The following TMOD2 variants were observed in gnomAD, a reference collection of about 807,000 sequenced individuals.
The protein encoded by TMOD2 is tropomodulin 2.
TMOD2 carries 22 observed loss-of-function variants against 39.9 expected under a neutral mutation model. The observed-to-expected ratio is 0.55, with a 90% CI of 0.39 to 0.79. TMOD2 has a LOEUF of 0.79. Among genes scored for constraint, TMOD2 ranks in the 30% least tolerant of loss-of-function variants. The probability of loss-of-function intolerance (pLI) is 0.00; values close to 1 mark genes in which losing one functional copy is unlikely to be tolerated. For missense variants in TMOD2, 386 were observed against 413.3 expected (o/e 0.93, Z 0.57); for synonymous variants, 123 against 146.1 (o/e 0.84, Z 1.14).
intron 1 of TMOD2, among the ~76,000 whole-genome samples, chr15:51,758,079 C>T (rs1567234075): frequency 6.7e-6 from 1 of 149,672 alleles, no homozygotes; most frequent in African/African-American, 2.5e-5. Flanking sequence ...GACCCTATTT[C>T]TAATAATAAT....
At chr15:51,762,201 A>G (rs921109754) in intron 1 of TMOD2, among the ~76,000 whole-genome samples, 2 of 152,020 alleles carry the variant, frequency 1.3e-5, no homozygotes, top group Non-Finnish European at 1.5e-5. Flanking sequence ...TCATACCTGT[A>G]ATTCCAGCAC....
intron 7 of TMOD2, among the ~76,000 whole-genome samples, chr15:51,797,958 C>CT (rs2056062976): frequency 6.7e-6 from 1 of 148,400 alleles, no homozygotes; most frequent in Non-Finnish European, 1.5e-5. Flanking sequence ...ATGTCAGTAT[C>CT]TTTTTTAAAA....
intron 5 of TMOD2, among the ~76,000 whole-genome samples, chr15:51,780,492 A>T (rs1436430334): frequency 6.6e-6 from 1 of 152,184 alleles, no homozygotes; most frequent in African/African-American, 2.4e-5. Flanking sequence ...CTCTGTGTAT[A>T]TTGGGATATT....
intron 7 of TMOD2, among the ~76,000 whole-genome samples, chr15:51,795,709 C>T (rs80341775): frequency 0.031 from 4,722 of 150,688 alleles, 129 homozygotes; most frequent in Non-Finnish European, 0.05. Flanking sequence ...AAGGTTTTCT[C>T]ATAATTTCTA....
At chr15:51,751,994 G>T (rs2055707724) in intron 1 of TMOD2, among the ~76,000 whole-genome samples, 1 of 151,516 alleles carries the variant, frequency 6.6e-6, no homozygotes, top group Admixed American at 6.6e-5. Flanking sequence ...TCTGCAGCCC[G>T]CTGGGCCGCA....
intron 1 of TMOD2, among the ~76,000 whole-genome samples, chr15:51,758,866 G>A (rs148588511): frequency 7.9e-5 from 12 of 152,272 alleles, no homozygotes; most frequent in African/African-American, 2.6e-4. Context: ...AACAACATAA[G>A]GCATGATCCA....
chr15:51,752,893 T>A (rs1173297681), intron 1 of TMOD2: 2 of 152,250 alleles, frequency 1.3e-5, no homozygotes, highest in East Asian at 3.8e-4. Flanking sequence ...ATCATTTTAA[T>A]TTTTGTAAGG....
chr15:51,756,052 G>T (rs2055739518), intron 1 of TMOD2, among the ~76,000 whole-genome samples: 1 of 152,098 alleles, frequency 6.6e-6, no homozygotes. Context: ...ATAAATAGAG[G>T]TCAAGCAAGA....
intron 6 of TMOD2, 74 bp downstream of exon 6, chr15:51,781,248 C>A: frequency 7.4e-7 from 1 of 1,357,796 alleles, no homozygotes; most frequent in South Asian, 1.4e-5. Context: ...TGACCTATTG[C>A]TTGTTTTCAC....
rs746835883 is a variant in TMOD2 at position 51,808,932 on chromosome 15, A to G, written c.*478A>G. The G allele has an allele frequency of 6.5e-6, 1 of 152,992 alleles. No individual in the cohort carries two copies. Among genetic ancestry groups the G allele is most frequent in the Non-Finnish European group, 1.5e-5 (1 of 68,286 alleles). The allele number at this position is 152,992 out of a possible 1,614,324, so 9.5% of individuals were successfully genotyped here. ...GTTAGTATTGCCAATCTTTCACTGC[A>G]TGTGAAAATGTGACCAATTTAGCAC... On this transcript the variant is annotated 3_prime_UTR_variant, in exon 10 of 10. Coordinates refer to ENST00000249700, the MANE Select transcript of TMOD2 (RefSeq NM_014548.4).
intron 7 of TMOD2, chr15:51,783,504 T>G (rs1344111222): frequency 6.6e-6 from 1 of 151,654 alleles, no homozygotes; most frequent in Non-Finnish European, 1.5e-5. Context: ...AAAATTAAAG[T>G]ATATTTTAAT....
intron 7 of TMOD2, among the ~76,000 whole-genome samples, chr15:51,792,328 G>A (rs10444798): frequency 0.48 from 72,901 of 151,924 alleles, 17,758 homozygotes; most frequent in Admixed American, 0.54. Context: ...ATCTCATGCC[G>A]GTTAGAATGG....
At chr15:51,773,156 A>G (rs528516424) in intron 3 of TMOD2, among the ~76,000 whole-genome samples, 1 of 152,308 alleles carries the variant, frequency 6.6e-6, no homozygotes, top group Admixed American at 6.5e-5. Context: ...GTACACACCC[A>G]GCAGCATGAC....
chr15:51,799,389 G>A (rs1218190698), intron 8 of TMOD2, among the ~76,000 whole-genome samples: 7 of 152,128 alleles, frequency 4.6e-5, no homozygotes, highest in Admixed American at 3.3e-4. Flanking sequence ...CAGGACTGTT[G>A]CCTAACCCTG....
chr15:51,758,696 T>C (rs1449499335), intron 1 of TMOD2, among the ~76,000 whole-genome samples: 2 of 151,986 alleles, frequency 1.3e-5, no homozygotes, highest in African/African-American at 4.8e-5. Context: ...CAAGAACAGA[T>C]GTGATTAAAG....
At chr15:51,752,885 C>T (rs1169397190) in intron 1 of TMOD2, 2 of 152,152 alleles carry the variant, frequency 1.3e-5, no homozygotes, top group Non-Finnish European at 2.9e-5. Flanking sequence ...GCATTGCAAT[C>T]ATTTTAATTT....
intron 7 of TMOD2, among the ~76,000 whole-genome samples, chr15:51,786,613 C>T (rs961776786): frequency 3.3e-5 from 5 of 152,170 alleles, no homozygotes; most frequent in African/African-American, 1.2e-4. Flanking sequence ...TAAGATTACA[C>T]CGCATGTGGC....
rs2055703116 is a variant in TMOD2 at position 51,751,612 on chromosome 15, C to G, written c.-170C>G. 4.5e-6 allele frequency: 1 copy of G among 222,014 alleles called. No homozygotes were observed. The highest frequency in any genetic ancestry group is 8.7e-6 in the Non-Finnish European group (1 of 114,484). The allele number at this position is 222,014 out of a possible 1,614,324, so 13.8% of individuals were successfully genotyped here. ...GGAGCCGCCTGTTGATCGCCGCGCTCGCCCCGGCCACGGCGCCGCCCCTGT... is the reference window on the plus strand; with the variant it reads ...GGAGCCGCCTGTTGATCGCCGCGCTGGCCCCGGCCACGGCGCCGCCCCTGT... On this transcript the variant is annotated 5_prime_UTR_variant, in exon 1 of 10. Coordinates refer to ENST00000249700, the MANE Select transcript of TMOD2 (RefSeq NM_014548.4).
Position 51,782,816 on chromosome 15 carries a change from C to A in TMOD2, c.720C>A (p.Asp240Glu). The change falls in exon 7 of 10, where the codon GAC (aspartate) becomes GAA (glutamate). Residue 240 changes from aspartate (D) to glutamate (E), a missense_variant. Transcript: ENST00000249700. ...GCCTGGCCGCAACTCGCAGCAATGA[C>A]CCTGTGGCCATTGTGAGTAAAATTC... is the stretch of plus-strand genomic sequence containing the variant. ...KFSLAATRSN[D>E]PVAIAFADML... 6.2e-7 allele frequency: 1 copy of A among 1,613,782 alleles called. No homozygotes were observed. The highest frequency in any genetic ancestry group is 8.5e-7 in the Non-Finnish European group (1 of 1,179,736).
Sources: gnomAD v4.1 joint callset for allele counts (sites outside exome capture counted in the v4.1 genomes callset) on GRCh38, gnomAD v4.1.1 for gene constraint, MANE v1.5 for transcripts, NCBI Gene and HGNC (gene_info 2026-07-23, HGNC 2026-07-21) for gene names.